Variants in LRRN1 observed in about 807,000 individuals in gnomAD.
The protein encoded by LRRN1 is leucine rich repeat neuronal 1.
LRRN1 carries 14 observed loss-of-function variants against 45.8 expected under a neutral mutation model. That is an observed-to-expected ratio of 0.31 (90% CI 0.20 to 0.48). The LOEUF is 0.48. LRRN1 is among the 20% of genes least tolerant of loss of function. LRRN1 has a pLI of 0.99. For missense variants in LRRN1, 789 were observed against 874.2 expected (o/e 0.90, Z 1.23); for synonymous variants, 359 against 330.1 (o/e 1.09, Z -0.95).
chr3:3,846,854 A>G lies in LRRN1; in HGVS notation c.*62A>G. On this transcript the variant is annotated 3_prime_UTR_variant, in exon 2 of 2. Coordinates refer to ENST00000319331, the MANE Select transcript of LRRN1 (RefSeq NM_020873.7). This position sits in a 1 kb window ranked among gnomAD's most constrained non-coding sequence, Gnocchi z 5.7. ...AAAGACGTTTTTGCTTTATTCTGCA[A>G]AAGTGAACAAGTTGAAGACTTTTGT... The G allele has an allele frequency of 7.5e-7, 1 of 1,338,984 alleles. No individual in the cohort carries two copies. Among genetic ancestry groups the G allele is most frequent in the South Asian group, 1.4e-5 (1 of 69,506 alleles). 82.9% of individuals were successfully genotyped at this position (1,338,984 alleles called of 1,614,324 possible). A position where few individuals can be genotyped will look rare whatever the true frequency, so the allele number is the denominator to read the frequency against.
At chr3:3,833,382 C>A (rs958466379) in intron 1 of LRRN1, among the ~76,000 whole-genome samples, 2 of 152,208 alleles carry the variant, frequency 1.3e-5, no homozygotes, top group African/African-American at 4.8e-5. Context: ...TCCTGAGCTG[C>A]AACATTAAAT....
rs547086395 is a variant in LRRN1 at position 3,823,743 on chromosome 3, G to A, written c.-278-20621G>A. 3.3e-4 allele frequency among the ~76,000 whole-genome samples: 50 copies of A among 152,252 alleles called. 1 individual carries two copies. The highest frequency in any genetic ancestry group is 3.9e-4 in the Admixed American group (6 of 15,286). On this transcript the variant is annotated intron_variant, in intron 1 of 1. Coordinates refer to ENST00000319331, the MANE Select transcript of LRRN1 (RefSeq NM_020873.7). ...AGTACCAGGATATGGACCCAGCTCT[G>A]TCTGCCTCTTGAGACTGTGCCTTTC...
chr3:3,833,239 C>T (rs1054272176), intron 1 of LRRN1, among the ~76,000 whole-genome samples: 1 of 152,208 alleles, frequency 6.6e-6, no homozygotes, highest in Non-Finnish European at 1.5e-5. Context: ...ATCTCAATCT[C>T]CCTAGGCCTT....
intron 1 of LRRN1, among the ~76,000 whole-genome samples, chr3:3,832,747 T>C (rs1172435605): frequency 6.6e-6 from 1 of 152,208 alleles, no homozygotes; most frequent in Non-Finnish European, 1.5e-5. Flanking sequence ...GTCTGGAAAT[T>C]GAGCGGTCAT....
chr3:3,835,583 G>C (rs1429992891), intron 1 of LRRN1, among the ~76,000 whole-genome samples: 1 of 119,486 alleles, frequency 8.4e-6, no homozygotes, highest in Non-Finnish European at 1.7e-5. Context: ...AGAGCTGCCT[G>C]ATTTTTTTTT....
intron 1 of LRRN1, among the ~76,000 whole-genome samples, chr3:3,828,842 A>G (rs1462214578): frequency 6.6e-6 from 1 of 152,222 alleles, no homozygotes; most frequent in Non-Finnish European, 1.5e-5. Context: ...GGAAATACTC[A>G]TGACAGTTAA....
intron 1 of LRRN1, among the ~76,000 whole-genome samples, chr3:3,806,033 C>T (rs1035095349): frequency 6.6e-6 from 1 of 150,800 alleles, no homozygotes; most frequent in South Asian, 2.1e-4. Flanking sequence ...TGATTTTTGC[C>T]TCTGAGGGGA....
rs750948915 is a variant in LRRN1, at chr3:3,844,655, G to A, written c.14G>A (p.Ser5Asn). MARM[S>N]FVIAACQLVL... ...CAGCAAGCCAGCATGGCTAGGATGAGCTTTGTTATAGCAGCTTGCCAATTG... is the reference window on the plus strand; with the variant it reads ...CAGCAAGCCAGCATGGCTAGGATGAACTTTGTTATAGCAGCTTGCCAATTG... Residue 5 changes from serine (S) to asparagine (N), a missense_variant, in exon 2 of 2, where the codon AGC (serine) becomes AAC (asparagine). Transcript: ENST00000319331. The A allele has an allele frequency of 6.2e-7, 1 of 1,610,882 alleles. No homozygotes were observed. Among genetic ancestry groups the A allele is most frequent in the East Asian group, 2.2e-5 (1 of 44,798 alleles).
chr3:3,801,447 G>A lies in LRRN1; in HGVS notation c.-279+1528G>A, dbSNP rs117109557. 2.0e-4 allele frequency among the ~76,000 whole-genome samples: 30 copies of A among 152,346 alleles called. 1 individual carries two copies. In the East Asian group the frequency reaches 5.4e-3, roughly 27 times the overall value. ...TCATTTTTAAAAGCTAGGGCTGGAG[G>A]AGTGGAAAGTTCAGGAAGGCACTTT... On this transcript the variant is annotated intron_variant, in intron 1 of 1. Coordinates refer to ENST00000319331, the MANE Select transcript of LRRN1 (RefSeq NM_020873.7).
chr3:3,814,258 T>C (rs992880289), intron 1 of LRRN1, among the ~76,000 whole-genome samples: 4 of 149,506 alleles, frequency 2.7e-5, no homozygotes, highest in Non-Finnish European at 5.9e-5. Flanking sequence ...ACTGATCCCA[T>C]AGTTCCCCTG....
intron 1 of LRRN1, among the ~76,000 whole-genome samples, chr3:3,814,488 T>A (rs1364574201): frequency 3.3e-5 from 5 of 152,044 alleles, no homozygotes; most frequent in Admixed American, 6.6e-5. Context: ...CTTTGTGAGT[T>A]GACTTTAACC....
chr3:3,811,420 T>C lies in LRRN1; in HGVS notation c.-279+11501T>C, dbSNP rs369808133. ...CTGAGTCTTAGGTCCCTGGCACCTA[T>C]AAAAGCATTTGGCACATGGAAAATG... On this transcript the variant is annotated intron_variant, in intron 1 of 1. Transcript: ENST00000319331. Among the ~76,000 whole-genome samples, 44 of 152,336 alleles carry C rather than the reference T, an allele frequency of 2.9e-4. 5 individuals are homozygous for C. The highest frequency in any genetic ancestry group is 1.9e-3 in the Admixed American group (29 of 15,308).
intron 1 of LRRN1, among the ~76,000 whole-genome samples, chr3:3,818,418 G>C (rs560384343): frequency 6.6e-6 from 1 of 152,150 alleles, no homozygotes; most frequent in Admixed American, 6.5e-5. Context: ...GTTTTGTTCT[G>C]TGCTGGGCCT....
chr3:3,823,036 G>A (rs931271159), intron 1 of LRRN1: 2 of 152,106 alleles, frequency 1.3e-5, no homozygotes, highest in African/African-American at 4.8e-5. Context: ...GGATATTTCT[G>A]TGGCACCCAA....
At chr3:3,803,704 T>G (rs1250645707) in intron 1 of LRRN1, among the ~76,000 whole-genome samples, 1 of 152,208 alleles carries the variant, frequency 6.6e-6, no homozygotes, top group East Asian at 1.9e-4. Flanking sequence ...CAGAAAAACA[T>G]TTATTCTCTC....
intron 1 of LRRN1, among the ~76,000 whole-genome samples, chr3:3,811,122 C>T (rs1420077883): frequency 2.6e-5 from 4 of 152,066 alleles, no homozygotes; most frequent in African/African-American, 9.7e-5. Flanking sequence ...CTGAGAGGAA[C>T]ACATACCAAC....
chr3:3,825,824 C>CT (rs1271468850), intron 1 of LRRN1, among the ~76,000 whole-genome samples: 2 of 152,188 alleles, frequency 1.3e-5, no homozygotes, highest in Non-Finnish European at 2.9e-5. Context: ...CCATAATAAA[C>CT]TGAGTTTATA....
chr3:3,812,307 C>A (rs1692891294), intron 1 of LRRN1, among the ~76,000 whole-genome samples: 1 of 152,158 alleles, frequency 6.6e-6, no homozygotes, highest in Admixed American at 6.5e-5. Flanking sequence ...GAGAATGTAA[C>A]ATAAAGCCTT....
intron 1 of LRRN1, among the ~76,000 whole-genome samples, chr3:3,826,957 TG>T (rs1350621732): frequency 6.6e-6 from 1 of 152,132 alleles, no homozygotes; most frequent in African/African-American, 2.4e-5. Flanking sequence ...GTACAGAACT[TG>T]TACTGGATCA....
Sources: allele counts gnomAD v4.1 joint callset (sites outside exome capture counted in the v4.1 genomes callset), GRCh38; gene constraint gnomAD v4.1.1; non-coding constraint Gnocchi (gnomAD v3.1); transcripts MANE v1.5; gene names NCBI Gene and HGNC (gene_info 2026-07-23, HGNC 2026-07-21).